The following ABTB3 variants were observed in gnomAD, a reference collection of about 807,000 sequenced individuals.
ABTB3 encodes ankyrin repeat and BTB domain containing 3.
chr12:107,610,448 G>T, the ABTB3 span: 2 of 1,465,006 alleles, frequency 1.4e-6, no homozygotes, highest in South Asian at 1.2e-5. Context: ...CCCTCTGCAG[G>T]CGCTGGGCAG....
At chr12:107,358,145 AG>A in the ABTB3 span, among the ~76,000 whole-genome samples, 4 of 152,184 alleles carry the variant, frequency 2.6e-5, no homozygotes, top group African/African-American at 7.2e-5. Flanking sequence ...CTAGTGGTGG[AG>A]GGGGAAAGAC....
At chr12:107,657,524 G>A in the ABTB3 span, 1 of 1,614,128 alleles carries the variant, frequency 6.2e-7, no homozygotes, top group Non-Finnish European at 8.5e-7. Flanking sequence ...TGGAGTCACA[G>A]AGCTCTCAGC....
chr12:107,409,177 T>C, the ABTB3 span, among the ~76,000 whole-genome samples: 1 of 152,210 alleles, frequency 6.6e-6, no homozygotes, highest in Admixed American at 6.5e-5. Context: ...GACCCAGCTG[T>C]CATGCTGTGA....
At chr12:107,324,591 C>G in the ABTB3 span, among the ~76,000 whole-genome samples, 4 of 152,112 alleles carry the variant, frequency 2.6e-5, no homozygotes, top group African/African-American at 9.7e-5. Context: ...GATGTAGTCC[C>G]TTATGTTAAT....
At chr12:107,618,886 A>G in the ABTB3 span, among the ~76,000 whole-genome samples, 1 of 152,122 alleles carries the variant, frequency 6.6e-6, no homozygotes, top group East Asian at 1.9e-4. Context: ...TTCTTACCAC[A>G]ACTCCTGTTG....
chr12:107,601,462 G>A, the ABTB3 span, among the ~76,000 whole-genome samples: 5 of 152,262 alleles, frequency 3.3e-5, no homozygotes, highest in Non-Finnish European at 7.3e-5. Context: ...GTTTCTATGA[G>A]TGATCATGGT....
chr12:107,607,804 T>C, the ABTB3 span, among the ~76,000 whole-genome samples: 3 of 152,068 alleles, frequency 2.0e-5, no homozygotes, highest in African/African-American at 7.2e-5. Flanking sequence ...CCTCCGCAAA[T>C]ATGAGTGATG....
the ABTB3 span, among the ~76,000 whole-genome samples, chr12:107,537,298 A>G: frequency 9.2e-5 from 14 of 152,168 alleles, no homozygotes; most frequent in Admixed American, 6.5e-5. Context: ...ATCAAGAACC[A>G]AGTTCTAATG....
chr12:107,497,859 C>T, the ABTB3 span, among the ~76,000 whole-genome samples: 14 of 152,288 alleles, frequency 9.2e-5, no homozygotes, highest in South Asian at 2.1e-4. Context: ...TCTCTGACCT[C>T]ACTGGGAAGG....
At chr12:107,555,080 G>C in the ABTB3 span, among the ~76,000 whole-genome samples, 1 of 152,180 alleles carries the variant, frequency 6.6e-6, no homozygotes, top group South Asian at 2.1e-4. Context: ...GAACTCTCAG[G>C]CTTTGGAGCA....
chr12:107,462,283 T>C, the ABTB3 span, among the ~76,000 whole-genome samples: 7 of 152,260 alleles, frequency 4.6e-5, no homozygotes, highest in Non-Finnish European at 8.8e-5. Context: ...TTGGCTTTGC[T>C]GTAATTTCTC....
chr12:107,431,968 T>A, the ABTB3 span, among the ~76,000 whole-genome samples: 1 of 151,982 alleles, frequency 6.6e-6, no homozygotes, highest in African/African-American at 2.4e-5. Flanking sequence ...CAGGTGGAGG[T>A]CATTAAGGGG....
the ABTB3 span, among the ~76,000 whole-genome samples, chr12:107,437,058 G>A: frequency 1.3e-5 from 2 of 152,210 alleles, no homozygotes; most frequent in Admixed American, 6.5e-5. Context: ...AGGGGCCCAT[G>A]GGTTCTTCTT....
chr12:107,591,440 C>T, the ABTB3 span, among the ~76,000 whole-genome samples: 5 of 151,874 alleles, frequency 3.3e-5, no homozygotes, highest in Admixed American at 1.3e-4. Flanking sequence ...CTGAAGCAGG[C>T]GGAAAAGGGC....
the ABTB3 span, among the ~76,000 whole-genome samples, chr12:107,490,223 G>A: frequency 1.3e-5 from 2 of 152,136 alleles, no homozygotes; most frequent in Non-Finnish European, 2.9e-5. Context: ...AGGCGGGGCT[G>A]CTTGAGGAGA....
At chr12:107,582,099 T>G in the ABTB3 span, among the ~76,000 whole-genome samples, 1 of 152,184 alleles carries the variant, frequency 6.6e-6, no homozygotes, top group Admixed American at 6.5e-5. Flanking sequence ...ATTTCTGCCC[T>G]TTCAGATCTG....
At chr12:107,642,292 C>T in the ABTB3 span, 1 of 844,168 alleles carries the variant, frequency 1.2e-6, no homozygotes, top group South Asian at 1.5e-5. Context: ...TGTCAGTCTC[C>T]TGAACTCCCG....
At chr12:107,438,063 G>C in the ABTB3 span, among the ~76,000 whole-genome samples, 2 of 152,050 alleles carry the variant, frequency 1.3e-5, no homozygotes, top group African/African-American at 2.4e-5. Flanking sequence ...TTCTCTAATG[G>C]GGAGACCATC....
the ABTB3 span, among the ~76,000 whole-genome samples, chr12:107,643,443 A>C: frequency 6.7e-6 from 1 of 149,002 alleles, no homozygotes; most frequent in Non-Finnish European, 1.5e-5. Flanking sequence ...CAAAGATAAG[A>C]TAAGCCTGGG....
Sources: gnomAD v4.1 joint callset for allele counts (sites outside exome capture counted in the v4.1 genomes callset) on GRCh38, gnomAD v4.1.1 for gene constraint, MANE v1.5 for transcripts, NCBI Gene and HGNC (gene_info 2026-07-23, HGNC 2026-07-21) for gene names.